The following ANKRD26 variants were observed in gnomAD, a reference collection of about 807,000 sequenced individuals.
ANKRD26 encodes the protein ankyrin repeat domain-containing protein 26.
In ANKRD26, 141 loss-of-function variants were observed where a neutral mutation model predicts 208.7. The ratio of observed to expected loss-of-function variants is 0.68; its 90% CI spans 0.59 to 0.78. ANKRD26 has a LOEUF of 0.78. Among genes scored for constraint, ANKRD26 ranks in the 30% least tolerant of loss-of-function variants. The pLI is 0.00. For synonymous variants in ANKRD26, 636 were observed against 660.4 expected (o/e 0.96, Z 0.57); for missense variants, 1,889 against 1,938.7 (o/e 0.97, Z 0.48).
chr10:26,978,633 G>A (rs1032508096), intron 5 of ANKRD26, among the ~76,000 whole-genome samples: 2 of 152,088 alleles, frequency 1.3e-5, no homozygotes, highest in African/African-American at 2.4e-5. Context: ...ATCATGGCCT[G>A]TTTCATCCTC....
intron 25 of ANKRD26, among the ~76,000 whole-genome samples, chr10:27,031,323 GTA>G (rs2053858073): frequency 6.6e-6 from 1 of 152,096 alleles, no homozygotes; most frequent in South Asian, 2.1e-4. Flanking sequence ...TGGATAACTG[GTA>G]TAGCCATACA....
At chr10:26,950,800 G>A in the ANKRD26 span, among the ~76,000 whole-genome samples, 1 of 151,986 alleles carries the variant, frequency 6.6e-6, no homozygotes, top group Non-Finnish European at 1.5e-5. Flanking sequence ...TATAGCAACA[G>A]AAAAGCAACC....
intron 4 of ANKRD26, chr10:27,088,497 C>T (rs1299989219): frequency 2.0e-5 from 3 of 152,196 alleles, no homozygotes; most frequent in African/African-American, 7.2e-5. Context: ...ATCCAACTAA[C>T]CTACTTTACG....
chr10:26,978,041 T>C (rs2052252696), intron 5 of ANKRD26, among the ~76,000 whole-genome samples: 1 of 152,228 alleles, frequency 6.6e-6, no homozygotes, highest in African/African-American at 2.4e-5. Flanking sequence ...CATGCCTGAA[T>C]AAGACCTGTA....
chr10:27,000,645 T>C (rs780819986), downstream of ANKRD26, among the ~76,000 whole-genome samples: 1 of 152,192 alleles, frequency 6.6e-6, no homozygotes. Context: ...CATAATAGAA[T>C]CAAAAGTATC....
chr10:27,019,507 C>G (rs2053416985), intron 29 of ANKRD26, among the ~76,000 whole-genome samples: 1 of 152,124 alleles, frequency 6.6e-6, no homozygotes, highest in Non-Finnish European at 1.5e-5. Flanking sequence ...CCAGAAGATT[C>G]TAGTCCCCCT....
At chr10:26,992,641 T>A (rs2052511423) in intron 5 of ANKRD26, among the ~76,000 whole-genome samples, 11 of 152,170 alleles carry the variant, frequency 7.2e-5, no homozygotes, top group Admixed American at 6.6e-4. Flanking sequence ...CCTTTTTGGT[T>A]GCATGTTGAC....
At chr10:27,016,188 C>T (rs1029443913) in intron 30 of ANKRD26, among the ~76,000 whole-genome samples, 4 of 152,032 alleles carry the variant, frequency 2.6e-5, no homozygotes, top group African/African-American at 7.3e-5. Context: ...TGGGGTCTCA[C>T]TTTGTTGCCT....
chr10:26,983,437 C>T (rs1029081745), intron 3 of ANKRD26, among the ~76,000 whole-genome samples: 1 of 152,112 alleles, frequency 6.6e-6, no homozygotes, highest in African/African-American at 2.4e-5. Flanking sequence ...TTGGAGCTAG[C>T]TAATAAATAC....
downstream of ANKRD26, among the ~76,000 whole-genome samples, chr10:27,003,519 T>G (rs984525634): frequency 3.3e-5 from 5 of 152,234 alleles, no homozygotes; most frequent in African/African-American, 1.2e-4. Context: ...TCAAAGTATC[T>G]TTATACAAGA....
downstream of ANKRD26, among the ~76,000 whole-genome samples, chr10:26,989,047 C>A (rs557364525): frequency 6.6e-6 from 1 of 152,048 alleles, no homozygotes; most frequent in South Asian, 2.1e-4. Context: ...GGGACAATTC[C>A]ATCTATGGCT....
rs1361898953 is a variant in ANKRD26, at chr10:27,028,949, A to G, written c.3879-4T>C. On this transcript the variant is annotated splice_region_variant and splice_polypyrimidine_tract_variant and intron_variant, in intron 26 of 33. Transcript: ENST00000376087. The stretch of plus-strand genomic sequence containing the variant: ...CTTGGCATTATCTTTTTCAAGCCTG[A>G]AATGTATATTTTAAAATAATTATTC... The G allele has an allele frequency of 6.3e-7, 1 of 1,597,936 alleles. No homozygotes were observed. The highest frequency in any genetic ancestry group is 1.1e-5 in the South Asian group (1 of 89,100).
chr10:26,949,501 T>TAA, the ANKRD26 span, among the ~76,000 whole-genome samples: 101 of 151,650 alleles, frequency 6.7e-4, no homozygotes, highest in African/African-American at 2.3e-3. Context: ...ATTAATTAAT[T>TAA]TATTTATTAA....
intron 4 of ANKRD26, among the ~76,000 whole-genome samples, chr10:27,091,070 C>CAG (rs1554796583): frequency 1.3e-5 from 2 of 151,750 alleles, no homozygotes; most frequent in South Asian, 2.1e-4. Flanking sequence ...CACTCCAGCC[C>CAG]GTGACAGAGC....
At chr10:26,972,924 G>A (rs1458810720), downstream of ANKRD26, among the ~76,000 whole-genome samples, 1 of 151,988 alleles carries the variant, frequency 6.6e-6, no homozygotes, top group Non-Finnish European at 1.5e-5. Context: ...TCTTAATGCT[G>A]GTAGGTAGTA....
Position 27,037,273 on chromosome 10 carries a change from A to T in ANKRD26, c.2610T>A (p.Asn870Lys). ...GAATTCCATCTTGTAACATTCTGGCATTCTGTTCTCGAGAAAGTTGCCTCT... is the reference window on the plus strand; with the variant it reads ...GAATTCCATCTTGTAACATTCTGGCTTTCTGTTCTCGAGAAAGTTGCCTCT... ...DAQRQLSREQ[N>K]ARMLQDGILT... The change falls in exon 23 of 34, where the codon AAT becomes AAA. Residue 870 changes from asparagine to lysine, a missense_variant. This residue lies in a region of ANKRD26 where 1,272 missense variants were observed against 1,273.8 expected (regional missense o/e 1.00). Transcript: ENST00000376087. The T allele has an allele frequency of 6.2e-7, 1 of 1,613,882 alleles. No individual in the cohort carries two copies. Among genetic ancestry groups the T allele is most frequent in the Non-Finnish European group, 8.5e-7 (1 of 1,179,836 alleles).
chr10:26,954,846 A>G, the ANKRD26 span, among the ~76,000 whole-genome samples: 2 of 151,622 alleles, frequency 1.3e-5, no homozygotes, highest in Non-Finnish European at 2.9e-5. Flanking sequence ...GTTTTAGTGT[A>G]TGGACTTTAT....
chr10:27,029,096 G>A, intron 26 of ANKRD26, 151 bp from the exon 27 acceptor site: 2 of 997,722 alleles, frequency 2.0e-6, no homozygotes, highest in Non-Finnish European at 2.9e-6. Context: ...TTCTAGTTGT[G>A]GTTTGTGGAT....
downstream of ANKRD26, among the ~76,000 whole-genome samples, chr10:27,001,004 T>C (rs1267960918): frequency 6.6e-6 from 1 of 152,094 alleles, no homozygotes; most frequent in Non-Finnish European, 1.5e-5. Flanking sequence ...CGAGACTCTG[T>C]CTCAAAAACA....
Sources: allele counts gnomAD v4.1 joint callset (sites outside exome capture counted in the v4.1 genomes callset), GRCh38; gene constraint gnomAD v4.1.1; regional missense constraint gnomAD v4.1.1; transcripts MANE v1.5; gene names NCBI Gene and HGNC (gene_info 2026-07-23, HGNC 2026-07-21).